The following PFAS variants were observed in gnomAD, a reference collection of about 807,000 sequenced individuals.
The protein encoded by PFAS is FGAM synthase.
Under a neutral mutation model 140.6 loss-of-function variants are expected in PFAS, and 97 were observed. The observed-to-expected ratio is 0.69, with a 90% CI of 0.59 to 0.82. PFAS has a LOEUF of 0.82. PFAS is among the 40% of genes least tolerant of loss of function. PFAS has a pLI of 0.00. For missense variants in PFAS, 1,656 were observed against 1,780.2 expected (o/e 0.93, Z 1.26); for synonymous variants, 679 against 718.8 (o/e 0.94, Z 0.88).
chr17:8,256,514 A>G lies in PFAS; in HGVS notation c.822-10A>G, dbSNP rs1989372093. The G allele has an allele frequency of 6.2e-7, 1 of 1,614,144 alleles. No homozygotes were observed. Among genetic ancestry groups the G allele is most frequent in the Non-Finnish European group, 8.5e-7 (1 of 1,180,016 alleles). On this transcript the variant is annotated splice_polypyrimidine_tract_variant and intron_variant, in intron 7 of 27. Coordinates refer to ENST00000314666, the MANE Select transcript of PFAS (RefSeq NM_012393.3). ...AAAGGAAGCAAGGTCCATGACGGGT[A>G]TGTCCACAGTGCAATCCAGGGAAAG...
At chr17:8,262,034 T>C (rs1989615085) in intron 11 of PFAS, among the ~76,000 whole-genome samples, 1 of 152,060 alleles carries the variant, frequency 6.6e-6, no homozygotes, top group South Asian at 2.1e-4. Context: ...AAAAAGTTTT[T>C]AGTGTATAAG....
rs199863834 is a variant in PFAS, at chr17:8,256,573, C to G, written c.871C>G (p.Arg291Gly). ...VRFLRPEDPT[R>G]PSRFQQQQGL... is the part of the protein sequence containing the mutation. Reference sequence around the variant, plus strand: ...ATTCCTACGGCCTGAGGACCCCACACGGCCAAGCCGCTTCCAGCAACAGCA... The same window carrying G: ...ATTCCTACGGCCTGAGGACCCCACAGGGCCAAGCCGCTTCCAGCAACAGCA... The change falls in exon 8 of 28, where the codon CGG becomes GGG. Residue 291 changes from arginine to glycine, a missense_variant. Arg to Gly is a moderately radical substitution (Grantham distance 125, BLOSUM62 -2). This residue lies in a region of PFAS where 773 missense variants were observed against 757.3 expected (regional missense o/e 1.02). Coordinates refer to ENST00000314666, the MANE Select transcript of PFAS (RefSeq NM_012393.3). The G allele has an allele frequency of 1.2e-6, 2 of 1,614,020 alleles. No homozygotes were observed. The highest frequency in any genetic ancestry group is 1.7e-6 in the Non-Finnish European group (2 of 1,179,970).
At position 8,256,416 on chromosome 17, in the gene PFAS, C is replaced by T; in HGVS notation, c.821+9C>T. 3 of 1,613,948 alleles carry T rather than the reference C, an allele frequency of 1.9e-6. No homozygotes were observed. The South Asian group carries it at 3.3e-5, about 18-fold the overall frequency. ...TTCTGTGATAACAGCAGGTGCTGTG[C>T]CCTAGACTGGGTTGGCGTCAGGACC... is the stretch of plus-strand genomic sequence containing the variant. On this transcript the variant is annotated intron_variant, in intron 7 of 27. Coordinates refer to ENST00000314666, the MANE Select transcript of PFAS (RefSeq NM_012393.3).
rs745474190 is a variant in PFAS at position 8,266,796 on chromosome 17, G to A, written c.2865G>A (p.Glu955=). The A allele has an allele frequency of 5.0e-6, 8 of 1,612,452 alleles. No homozygotes were observed. Among genetic ancestry groups the A allele is most frequent in the Non-Finnish European group, 5.9e-6 (7 of 1,179,774 alleles). ...CTGAGGAGCCAGGCCTCGTGCTGGA[G>A]GTGCAGGAGCCAGACCTGGCCCAGG... The part of the protein sequence containing the change: ...LFAEEPGLVL[E]VQEPDLAQVL... Residue 955 remains glutamate (E), a synonymous_variant, in exon 23 of 28, where the codon GAG becomes GAA. Transcript: ENST00000314666. The surrounding 1 kb of genome is among the most constrained non-coding windows in gnomAD (Gnocchi z 5.0).
intron 11 of PFAS, among the ~76,000 whole-genome samples, chr17:8,261,415 T>G (rs1567640756): frequency 6.6e-6 from 1 of 151,968 alleles, no homozygotes. Flanking sequence ...TTCTTTTGTA[T>G]TTTAGTAGAG....
At chr17:8,252,161 G>A (rs148300747) in intron 1 of PFAS, among the ~76,000 whole-genome samples, 165 of 151,576 alleles carry the variant, frequency 1.1e-3, no homozygotes, top group African/African-American at 3.7e-3. Context: ...GGGCGTGGTG[G>A]CGCATGCCTG....
chr17:8,255,978 C>A, intron 6 of PFAS, 68 bp downstream of exon 6: 1 of 1,211,690 alleles, frequency 8.3e-7, no homozygotes, highest in Non-Finnish European at 1.2e-6. Flanking sequence ...AGGGGCTCAC[C>A]TTCATGTTCC....
chr17:8,251,855 TAG>T (rs1191708056), intron 1 of PFAS, among the ~76,000 whole-genome samples: 1 of 151,792 alleles, frequency 6.6e-6, no homozygotes, highest in Non-Finnish European at 1.5e-5. Flanking sequence ...GTATTTTTAA[TAG>T]AGACAGGGTT....
Position 8,268,995 on chromosome 17 carries a change from G to A in PFAS, c.3748G>A (p.Glu1250Lys), listed in dbSNP as rs372367868. The A allele has an allele frequency of 3.5e-5, 57 of 1,614,092 alleles. No individual in the cohort carries two copies. Among genetic ancestry groups the A allele is most frequent in the Middle Eastern group, 3.3e-4 (2 of 6,084 alleles). Residue 1250 changes from glutamate (E) to lysine (K), a missense_variant, in exon 28 of 28, where the codon GAG (glutamate) becomes AAG (lysine). This residue lies in a region of PFAS where 883 missense variants were observed against 1,023.0 expected (regional missense o/e 0.86). Coordinates refer to ENST00000314666, the MANE Select transcript of PFAS (RefSeq NM_012393.3). ...TTCTCCGGAACTCCAAGCTCAGATT[G>A]AGGCCAGGGGCTTGGCTCCACTGCA... is the stretch of plus-strand genomic sequence containing the variant. ...FSSPELQAQIEARGLAPLHWA... is the reference protein window; with the variant it reads ...FSSPELQAQIKARGLAPLHWA...
chr17:8,247,945 G>A (rs1988904100), upstream of PFAS: 1 of 1,546,988 alleles, frequency 6.5e-7, no homozygotes, highest in Non-Finnish European at 8.9e-7. Context: ...AATAGGAAGA[G>A]AAAGAGTATC....
chr17:8,268,652 G>C lies in PFAS; in HGVS notation c.3502G>C (p.Gly1168Arg), dbSNP rs150994580. 15 of 1,613,644 alleles carry C rather than the reference G, an allele frequency of 9.3e-6. No individual in the cohort carries two copies. The highest frequency in any genetic ancestry group is 1.3e-5 in the Non-Finnish European group (15 of 1,180,022). ...TGGCTGTCAACTGCTGGCTCTGCTC[G>C]GCTGGGTGGGAGGCGACCCCAATGA... ...CNGCQLLALL[G>R]WVGGDPNEDA... is the part of the protein sequence containing the mutation. The change falls in exon 27 of 28, where the codon GGC (glycine) becomes CGC (arginine). Residue 1168 changes from glycine to arginine, a missense_variant. This residue lies in a region of PFAS where 883 missense variants were observed against 1,023.0 expected (regional missense o/e 0.86). Coordinates refer to ENST00000314666, the MANE Select transcript of PFAS (RefSeq NM_012393.3).
rs1237616843 is a variant in PFAS at position 8,268,856 on chromosome 17, G to C, written c.3706G>C (p.Gly1236Arg). The C allele has an allele frequency of 6.2e-7, 1 of 1,609,928 alleles. No individual in the cohort carries two copies. The highest frequency in any genetic ancestry group is 8.5e-7 in the Non-Finnish European group (1 of 1,179,962). Residue 1236 changes from glycine to arginine, a missense_variant and splice_region_variant, in exon 27 of 28, where the codon GGT (glycine) becomes CGT (arginine). Around this residue, in one of 2 missense-constraint regions of PFAS, gnomAD observed 883 missense variants for 1,023.0 expected, o/e 0.86. Coordinates refer to ENST00000314666, the MANE Select transcript of PFAS (RefSeq NM_012393.3). ...GCCCGTGTGGAGTGCGCACGGGGAA[G>C]GTCAGGCCCAAGGAAGGCTGGGGGA... The part of the protein sequence containing the change: ...VLPVWSAHGE[G>R]YVAFSSPELQ...
At chr17:8,260,343 C>T (rs2151585998) in intron 11 of PFAS, among the ~76,000 whole-genome samples, 1 of 152,254 alleles carries the variant, frequency 6.6e-6, no homozygotes, top group East Asian at 1.9e-4. Flanking sequence ...TATATGTGGT[C>T]TGTTGTTAAG....
intron 11 of PFAS, among the ~76,000 whole-genome samples, chr17:8,258,782 C>A (rs143323164): frequency 3.9e-5 from 6 of 151,948 alleles, no homozygotes; most frequent in African/African-American, 1.4e-4. Context: ...GTCAGGAGAT[C>A]GAGACCATCC....
chr17:8,267,955 A>C lies in PFAS; in HGVS notation c.3382+290A>C, dbSNP rs1194115955. Among the ~76,000 whole-genome samples, 1 of 144,610 alleles carries C rather than the reference A, an allele frequency of 6.9e-6. No individual in the cohort carries two copies. The highest frequency in any genetic ancestry group is 1.5e-5 in the Non-Finnish European group (1 of 66,022). The allele number at this position is 144,610 out of a possible 152,430, so 94.9% of individuals were successfully genotyped here. ...AAATGTATATTATTTATATATTATT[A>C]AAATATATATTATTTATATATATTA... On this transcript the variant is annotated intron_variant, in intron 26 of 27. Coordinates refer to ENST00000314666, the MANE Select transcript of PFAS (RefSeq NM_012393.3). This position sits in a 1 kb window ranked among gnomAD's most constrained non-coding sequence, Gnocchi z 4.9.
At chr17:8,251,379 T>C (rs1391420844) in intron 1 of PFAS, among the ~76,000 whole-genome samples, 5 of 151,974 alleles carry the variant, frequency 3.3e-5, no homozygotes, top group Non-Finnish European at 5.9e-5. Flanking sequence ...ACTCATGGGC[T>C]CAAGCGATCC....
intron 17 of PFAS, 127 bp downstream of exon 17, chr17:8,264,728 G>T: frequency 8.8e-7 from 1 of 1,134,786 alleles, no homozygotes. Context: ...GGGCAGGGCA[G>T]CCACCCTGAT....
chr17:8,265,802 C>A, intron 20 of PFAS, 60 bp from the exon 21 acceptor site: 3 of 1,423,344 alleles, frequency 2.1e-6, no homozygotes, highest in East Asian at 2.3e-5. Context: ...TGCTGTGAGC[C>A]CCTCAGGGAT....
In PFAS at chr17:8,254,042, C is replaced by A. The variant is rs750458468; in HGVS notation, c.105C>A (p.Gly35=). The A allele has an allele frequency of 6.2e-7, 1 of 1,614,128 alleles. No homozygotes were observed. Among genetic ancestry groups the A allele is most frequent in the South Asian group, 1.1e-5 (1 of 91,082 alleles). Residue 35 remains glycine, a synonymous_variant, in exon 2 of 28, where the codon GGC becomes GGA. Transcript: ENST00000314666. ...AAGGGAAACTGCCAGAGCTGCAGGG[C>A]GTCGAGACTGAACTGTGCTACAACG... is the stretch of plus-strand genomic sequence containing the variant. ...KLQGKLPELQ[G]VETELCYNVN...
Sources: allele counts gnomAD v4.1 joint callset (sites outside exome capture counted in the v4.1 genomes callset), GRCh38; gene constraint gnomAD v4.1.1; regional missense constraint gnomAD v4.1.1; non-coding constraint Gnocchi (gnomAD v3.1); transcripts MANE v1.5; gene names NCBI Gene and HGNC (gene_info 2026-07-23, HGNC 2026-07-21).